NECTIN2: variants seen among roughly 807,000 people sequenced by gnomAD.
The protein encoded by NECTIN2 is nectin-2.
In NECTIN2, 23 loss-of-function variants were observed where a neutral mutation model predicts 56.9. The observed-to-expected ratio is 0.40, with a 90% CI of 0.29 to 0.57. NECTIN2 has a LOEUF of 0.57. NECTIN2 is among the 20% of genes least tolerant of loss of function. The pLI is 0.38. For synonymous variants in NECTIN2, 302 were observed against 313.8 expected (o/e 0.96, Z 0.40); for missense variants, 587 against 718.3 (o/e 0.82, Z 2.09).
intron 6 of NECTIN2, 71 bp from the exon 7 acceptor site, chr19:44,885,866 T>C: frequency 7.8e-7 from 1 of 1,283,248 alleles, no homozygotes; most frequent in African/African-American, 1.5e-5. Flanking sequence ...GGGAACAGCA[T>C]GTGCCATAAC....
rs148618111 is a variant in NECTIN2 at position 44,881,804 on chromosome 19, T to C, written c.1043-407T>C. 3.4e-3 allele frequency among the ~76,000 whole-genome samples: 513 copies of C among 152,334 alleles called. 4 individuals are homozygous for C. Among genetic ancestry groups the C allele is most frequent in the African/African-American group, 0.012 (482 of 41,584 alleles). ...GTGTCTCTTTCAGGCCCTTGCTCAGTTGTCACCTTACAGTAAGGTAGAGGC... is the reference window on the plus strand; with the variant it reads ...GTGTCTCTTTCAGGCCCTTGCTCAGCTGTCACCTTACAGTAAGGTAGAGGC... On this transcript the variant is annotated intron_variant, in intron 5 of 8. Coordinates refer to ENST00000252483, the MANE Select transcript of NECTIN2 (RefSeq NM_001042724.2).
At chr19:44,857,811 G>T (rs1350550178) in intron 1 of NECTIN2, among the ~76,000 whole-genome samples, 1 of 151,548 alleles carries the variant, frequency 6.6e-6, no homozygotes, top group Non-Finnish European at 1.5e-5. Context: ...CTCCCATAGT[G>T]CTGGGATTAC....
chr19:44,882,480 T>A, intron 6 of NECTIN2, 116 bp downstream of exon 6: 1 of 995,366 alleles, frequency 1.0e-6, no homozygotes, highest in Non-Finnish European at 1.3e-6. Context: ...CAGACAGACC[T>A]AAAGGAACTG....
intron 2 of NECTIN2, among the ~76,000 whole-genome samples, chr19:44,868,442 A>T (rs1449213316): frequency 1.5e-5 from 2 of 131,086 alleles, no homozygotes; most frequent in Admixed American, 7.5e-5. Context: ...TTTTTGAAGG[A>T]TGCTTTTTTT....
chr19:44,868,021 T>C (rs1375249144), intron 2 of NECTIN2, among the ~76,000 whole-genome samples: 1 of 151,624 alleles, frequency 6.6e-6, no homozygotes, highest in Non-Finnish European at 1.5e-5. Context: ...TTTTAGAAGA[T>C]AGTAGGTGCT....
At chr19:44,886,276 G>T in intron 8 of NECTIN2, 57 bp downstream of exon 8, 5 of 1,410,122 alleles carry the variant, frequency 3.5e-6, no homozygotes, top group Non-Finnish European at 5.0e-6. Context: ...AGGGCCAGGG[G>T]TCAGGCCTGG....
chr19:44,885,414 C>T (rs541729779), intron 6 of NECTIN2, among the ~76,000 whole-genome samples: 8 of 150,894 alleles, frequency 5.3e-5, no homozygotes, highest in Middle Eastern at 3.4e-3. Flanking sequence ...CGAGTTCAAG[C>T]GATTCTTGTG....
In NECTIN2 at chr19:44,875,180, C is replaced by T. The variant is rs1969222370; in HGVS notation, c.1042+702C>T. 6.6e-6 allele frequency among the ~76,000 whole-genome samples: 1 copy of T among 152,156 alleles called. No individual in the cohort carries two copies. Among genetic ancestry groups the T allele is most frequent in the Non-Finnish European group, 1.5e-5 (1 of 68,026 alleles). On this transcript the variant is annotated intron_variant, in intron 5 of 8. Coordinates refer to ENST00000252483, the MANE Select transcript of NECTIN2 (RefSeq NM_001042724.2). The surrounding 1 kb of genome is among the most constrained non-coding windows in gnomAD (Gnocchi z 4.2). The stretch of plus-strand genomic sequence containing the variant: ...GATGGTAACCCTGCACGCTCAAACC[C>T]ATTGTCACCAAGACACACACCCAGG...
chr19:44,868,760 G>T (rs1425969805), intron 2 of NECTIN2, among the ~76,000 whole-genome samples: 3 of 151,672 alleles, frequency 2.0e-5, no homozygotes, highest in African/African-American at 7.3e-5. Context: ...AAAAATACAA[G>T]AAATTAGCCA....
intron 5 of NECTIN2, among the ~76,000 whole-genome samples, chr19:44,881,746 G>A (rs1488815509): frequency 6.6e-6 from 1 of 152,092 alleles, no homozygotes; most frequent in African/African-American, 2.4e-5. Flanking sequence ...CGCTGCCTGC[G>A]ATACCCCCAG....
intron 2 of NECTIN2, among the ~76,000 whole-genome samples, chr19:44,867,328 G>T (rs1969112947): frequency 6.6e-6 from 1 of 150,846 alleles, no homozygotes; most frequent in Admixed American, 6.6e-5. Context: ...GGCCAGGAAA[G>T]AAAAAAAAAT....
intron 5 of NECTIN2, among the ~76,000 whole-genome samples, chr19:44,881,101 TC>T (rs756237894): frequency 6.6e-6 from 1 of 151,736 alleles, no homozygotes; most frequent in Non-Finnish European, 1.5e-5. Flanking sequence ...TAAAATTTTT[TC>T]TAGAGATGAG....
intron 1 of NECTIN2, among the ~76,000 whole-genome samples, chr19:44,850,115 G>A (rs945029682): frequency 2.0e-5 from 3 of 152,104 alleles, no homozygotes; most frequent in African/African-American, 4.8e-5. Context: ...CAGGAGAATC[G>A]TTTGAACCGA....
chr19:44,882,417 G>C (rs971471624), intron 6 of NECTIN2, 53 bp downstream of exon 6: 3 of 1,328,836 alleles, frequency 2.3e-6, no homozygotes, highest in East Asian at 3.0e-5. Flanking sequence ...GAACTGAGGA[G>C]TATGGGGTAG....
intron 1 of NECTIN2, among the ~76,000 whole-genome samples, chr19:44,857,969 T>C (rs1968987078): frequency 6.6e-6 from 1 of 152,204 alleles, no homozygotes; most frequent in African/African-American, 2.4e-5. Context: ...AAGGTATTGA[T>C]TGGCTATGCA....
At chr19:44,852,100 C>T (rs1446108981) in intron 1 of NECTIN2, among the ~76,000 whole-genome samples, 7 of 152,012 alleles carry the variant, frequency 4.6e-5, no homozygotes, top group Non-Finnish European at 8.8e-5. Context: ...CCACTGAGGG[C>T]TCTTTCTTTT....
chr19:44,871,763 G>A lies in NECTIN2; in HGVS notation c.479-90G>A, dbSNP rs1344438475. 4.9e-6 allele frequency: 7 copies of A among 1,425,318 alleles called. No individual in the cohort carries two copies. In the South Asian group the frequency reaches 6.8e-5, roughly 14 times the overall value. 88.3% of individuals were successfully genotyped at this position (1,425,318 alleles called of 1,614,324 possible). On this transcript the variant is annotated intron_variant, in intron 2 of 8. Transcript: ENST00000252483. ...CAGAGCTGGGATTGGAACCCCGGCAGTTAGGGCCTAACCACCCTGCTCCTC... is the reference window on the plus strand; with the variant it reads ...CAGAGCTGGGATTGGAACCCCGGCAATTAGGGCCTAACCACCCTGCTCCTC...
intron 5 of NECTIN2, among the ~76,000 whole-genome samples, chr19:44,880,238 A>C (rs1599926055): frequency 1.4e-5 from 2 of 145,084 alleles, no homozygotes; most frequent in East Asian, 4.7e-4. Context: ...TCCGCCTGGC[A>C]CACAGTGGAT....
At chr19:44,887,136 C>T (rs905569421) in intron 8 of NECTIN2, among the ~76,000 whole-genome samples, 2 of 151,182 alleles carry the variant, frequency 1.3e-5, no homozygotes, top group African/African-American at 4.9e-5. Flanking sequence ...GATCACCTGA[C>T]GTCAGGAGTT....
Sources: allele counts gnomAD v4.1 joint callset (sites outside exome capture counted in the v4.1 genomes callset), GRCh38; gene constraint gnomAD v4.1.1; non-coding constraint Gnocchi (gnomAD v3.1); transcripts MANE v1.5; gene names NCBI Gene and HGNC (gene_info 2026-07-23, HGNC 2026-07-21).